The following RAD51B variants were observed in gnomAD, a reference collection of about 807,000 sequenced individuals.
RAD51B encodes DNA repair protein RAD51 homolog 2.
In RAD51B, 38 loss-of-function variants were observed where a neutral mutation model predicts 42.2. The ratio of observed to expected loss-of-function variants is 0.90; its 90% CI spans 0.70 to 1.18. RAD51B has a LOEUF of 1.18. RAD51B is among the 50% of genes most tolerant of loss of function. The probability of loss-of-function intolerance (pLI) is 0.00; values close to 1 mark genes in which losing one functional copy is unlikely to be tolerated. For synonymous variants in RAD51B, 154 were observed against 145.2 expected, an observed-to-expected ratio of 1.06 and a Z score of -0.43; for missense variants, 373 against 400.7, an observed-to-expected ratio of 0.93 and a Z score of 0.59.
chr14:68,237,927 G>A (rs2080297271), intron 7 of RAD51B, among the ~76,000 whole-genome samples: 1 of 151,864 alleles, frequency 6.6e-6, no homozygotes, highest in Admixed American at 6.6e-5. Context: ...TAGAGATGGT[G>A]TTTCACCGTG....
chr14:68,533,389 G>A (rs993397501), intron 10 of RAD51B, among the ~76,000 whole-genome samples: 4 of 152,204 alleles, frequency 2.6e-5, no homozygotes, highest in Admixed American at 2.6e-4. Flanking sequence ...ATCCAGTAGA[G>A]TGAAAGAAGT....
At chr14:68,500,381 T>A (rs1884835103) in intron 10 of RAD51B, among the ~76,000 whole-genome samples, 11 of 152,214 alleles carry the variant, frequency 7.2e-5, no homozygotes. Context: ...ATTTGGCAAA[T>A]GCTGGTGGAG....
rs1467897660 is a variant in RAD51B at position 68,384,368 on chromosome 14, C to A, written c.854-27056C>A. 2.0e-5 allele frequency among the ~76,000 whole-genome samples: 3 copies of A among 152,188 alleles called. No individual in the cohort carries two copies. In the East Asian group the frequency reaches 5.8e-4, roughly 29 times the overall value. ...CAAAAGTACAAGGCAGGATTTCCCA[C>A]AATGGCTATGTCCTGGCTGGCCTTG... On this transcript the variant is annotated intron_variant, in intron 8 of 10. Transcript: ENST00000471583.
downstream of RAD51B, among the ~76,000 whole-genome samples, chr14:68,482,175 G>GT (rs1369062728): frequency 4.5e-5 from 6 of 133,160 alleles, no homozygotes; most frequent in Non-Finnish European, 4.8e-5. Flanking sequence ...GATATTTTAG[G>GT]GGTGTGTGTG....
At chr14:68,486,927 G>A (rs769814114) in intron 10 of RAD51B, among the ~76,000 whole-genome samples, 6 of 152,170 alleles carry the variant, frequency 3.9e-5, no homozygotes, top group Non-Finnish European at 7.3e-5. Flanking sequence ...TGATGGTGCG[G>A]TCACACCACT....
intron 7 of RAD51B, among the ~76,000 whole-genome samples, chr14:67,924,434 C>A (rs758012310): frequency 1.3e-5 from 2 of 152,108 alleles, no homozygotes. Flanking sequence ...TTTTACGCTG[C>A]TGGTAAAGAG....
At chr14:68,061,576 G>GT (rs1406975124) in intron 7 of RAD51B, among the ~76,000 whole-genome samples, 1 of 151,880 alleles carries the variant, frequency 6.6e-6, no homozygotes, top group African/African-American at 2.4e-5. Context: ...TTTCACCAGT[G>GT]TTTTATAGTT....
chr14:68,117,171 A>G (rs2077564422), intron 7 of RAD51B, among the ~76,000 whole-genome samples: 1 of 152,144 alleles, frequency 6.6e-6, no homozygotes, highest in African/African-American at 2.4e-5. Flanking sequence ...TTTGTTATAG[A>G]CTTGATCATG....
chr14:68,491,198 C>T (rs1442294231), intron 10 of RAD51B, among the ~76,000 whole-genome samples: 1 of 152,222 alleles, frequency 6.6e-6, no homozygotes. Context: ...GGATTAGTGC[C>T]TGGCCAAGTT....
intron 3 of RAD51B, among the ~76,000 whole-genome samples, chr14:67,826,129 C>A (rs1221556685): frequency 2.6e-5 from 4 of 151,866 alleles, no homozygotes; most frequent in Non-Finnish European, 5.9e-5. Flanking sequence ...TTTTCTATAG[C>A]CAATAGCAGT....
At chr14:68,428,482 C>T (rs2084906840) in intron 9 of RAD51B, among the ~76,000 whole-genome samples, 2 of 151,872 alleles carry the variant, frequency 1.3e-5, no homozygotes, top group Non-Finnish European at 2.9e-5. Flanking sequence ...AACTTATTCG[C>T]ATTGCATAAC....
intron 7 of RAD51B, among the ~76,000 whole-genome samples, chr14:67,934,414 G>A (rs1361606504): frequency 3.9e-5 from 6 of 152,172 alleles, no homozygotes; most frequent in African/African-American, 4.8e-5. Context: ...AATGCCATCA[G>A]TAATTAGCTC....
intron 7 of RAD51B, among the ~76,000 whole-genome samples, chr14:68,151,816 A>G (rs1484210293): frequency 7.2e-6 from 1 of 138,054 alleles, no homozygotes; most frequent in Non-Finnish European, 1.6e-5. Context: ...GACTATAGTT[A>G]TAAAGACTTT....
At chr14:68,676,933 G>A (rs536494871) in intron 11 of RAD51B, among the ~76,000 whole-genome samples, 1 of 152,336 alleles carries the variant, frequency 6.6e-6, no homozygotes, top group South Asian at 2.1e-4. Context: ...CACTAGGCTG[G>A]GCGGGGGGCC....
At chr14:68,020,889 A>G (rs934863494) in intron 7 of RAD51B, among the ~76,000 whole-genome samples, 4 of 152,226 alleles carry the variant, frequency 2.6e-5, no homozygotes, top group African/African-American at 9.6e-5. Context: ...TGTTTGCAGC[A>G]TGATTTTTGT....
At chr14:68,583,401 AG>A (rs1251277528) in intron 10 of RAD51B, among the ~76,000 whole-genome samples, 1 of 152,230 alleles carries the variant, frequency 6.6e-6, no homozygotes, top group Non-Finnish European at 1.5e-5. Context: ...GGTCCAGGTA[AG>A]GGTACAATGT....
chr14:68,325,131 T>C (rs1295244503), intron 8 of RAD51B, among the ~76,000 whole-genome samples: 2 of 152,238 alleles, frequency 1.3e-5, no homozygotes, highest in Admixed American at 6.5e-5. Flanking sequence ...TTTTATGATC[T>C]TGAGCAGTCT....
At chr14:68,065,290 C>CT (rs1349809528) in intron 7 of RAD51B, among the ~76,000 whole-genome samples, 1 of 152,148 alleles carries the variant, frequency 6.6e-6, no homozygotes, top group Non-Finnish European at 1.5e-5. Context: ...TGAGGCTGGC[C>CT]TACCTACTCA....
chr14:68,383,426 C>A (rs1489046951), intron 8 of RAD51B, among the ~76,000 whole-genome samples: 1 of 152,098 alleles, frequency 6.6e-6, no homozygotes, highest in Admixed American at 6.6e-5. Context: ...CTTATCCAGC[C>A]CAAAGTGACA....
Sources: allele counts gnomAD v4.1 joint callset (sites outside exome capture counted in the v4.1 genomes callset), GRCh38; gene constraint gnomAD v4.1.1; transcripts MANE v1.5; gene names NCBI Gene and HGNC (gene_info 2026-07-23, HGNC 2026-07-21).